Variants in RSRC2 observed in about 807,000 individuals in gnomAD.
RSRC2 encodes the protein arginine/serine-rich coiled-coil protein 2.
Under a neutral mutation model 61.3 loss-of-function variants are expected in RSRC2, and 5 were observed. The observed-to-expected ratio is 0.08, with a 90% CI of 0.04 to 0.17. The LOEUF (loss-of-function observed/expected upper bound fraction) is 0.17, where lower values mean the gene tolerates loss of function less well. RSRC2 is among the 10% of genes least tolerant of loss of function. The pLI, the probability that RSRC2 is intolerant of heterozygous loss-of-function variation, is 1.00. For missense variants in RSRC2, 381 were observed against 518.8 expected, an observed-to-expected ratio of 0.73 and a Z score of 2.58; for synonymous variants, 202 against 166.5, an observed-to-expected ratio of 1.21 and a Z score of -1.64.
At chr12:122,522,006 G>T in intron 2 of RSRC2, 137 bp downstream of exon 2, 1 of 858,506 alleles carries the variant, frequency 1.2e-6, no homozygotes, top group East Asian at 2.7e-5. Flanking sequence ...GCCTGCCTTG[G>T]CCTCCCAAAG....
Position 122,526,830 on chromosome 12 carries a change from C to T in RSRC2, c.6+18G>A, listed in dbSNP as rs1335779957. The T allele has an allele frequency of 2.5e-6, 4 of 1,614,190 alleles. No individual in the cohort carries two copies. Among genetic ancestry groups the T allele is most frequent in the Non-Finnish European group, 3.4e-6 (4 of 1,179,988 alleles). On this transcript the variant is annotated intron_variant, in intron 1 of 9. Coordinates refer to ENST00000331738, the MANE Select transcript of RSRC2 (RefSeq NM_023012.6). ...GCAGAAAAATATCCCTGGCTTTAAA[C>T]TCAGATTCGGTACCTACCGCCATAG...
chr12:122,515,294 C>T (rs1038093654), intron 5 of RSRC2, 67 bp from the exon 6 acceptor site: 2 of 1,488,016 alleles, frequency 1.3e-6, no homozygotes, highest in Non-Finnish European at 1.8e-6. Context: ...AATAAGAAAT[C>T]AATTAGTTCA....
chr12:122,506,704 CA>C, intron 9 of RSRC2, 129 bp downstream of exon 9: 2 of 662,428 alleles, frequency 3.0e-6, no homozygotes, highest in South Asian at 3.8e-5. Context: ...TGTTATTTCA[CA>C]AAAGGTGGTG....
intron 8 of RSRC2, 98 bp from the exon 9 acceptor site, chr12:122,507,021 T>C (rs1371762752): frequency 1.4e-5 from 10 of 697,922 alleles, no homozygotes; most frequent in Non-Finnish European, 2.2e-5. Flanking sequence ...AAAAACACCA[T>C]GGATAGCATT....
At chr12:122,522,542 T>C (rs1489896392) in intron 1 of RSRC2, 2 of 344,268 alleles carry the variant, frequency 5.8e-6, no homozygotes, top group Admixed American at 4.8e-5. Flanking sequence ...CTAACGATGA[T>C]TTGTATAACT....
Position 122,505,545 on chromosome 12 carries a change from T to C in RSRC2, c.1287A>G (p.Arg429=). ...ATCATTTTCAAACTGCATCCATTCC[T>C]CGCATTGAAGATGTGAAACCCAAAC... The part of the protein sequence containing the change: ...GMGLGFTSSM[R]GMDAV Residue 429 remains arginine (R), a synonymous_variant, in exon 10 of 10, where the codon CGA becomes CGG. Coordinates refer to ENST00000331738, the MANE Select transcript of RSRC2 (RefSeq NM_023012.6). 1.2e-6 allele frequency: 2 copies of C among 1,613,758 alleles called. No homozygotes were observed. Among genetic ancestry groups the C allele is most frequent in the Non-Finnish European group, 1.7e-6 (2 of 1,179,828 alleles).
rs1308103179 is a variant in RSRC2, at chr12:122,504,471, T to TA, written c.*1055dup. On this transcript the variant is annotated 3_prime_UTR_variant, in exon 10 of 10. Transcript: ENST00000331738. ...GGTAAAACCCCACCTCTACTAAAAA[T>TA]ACAAAAATTAGCTGGGTGCGGTGGT... is the stretch of plus-strand genomic sequence containing the variant. 1 of 152,046 alleles carries TA rather than the reference T, an allele frequency of 6.6e-6. No individual in the cohort carries two copies. Among genetic ancestry groups the TA allele is most frequent in the African/African-American group, 2.4e-5 (1 of 41,360 alleles). The allele number at this position is 152,046 out of a possible 1,614,324, so 9.4% of individuals were successfully genotyped here. A position where few individuals can be genotyped will look rare whatever the true frequency, so the allele number is the denominator to read the frequency against.
In RSRC2 at chr12:122,514,567, A is replaced by G. The variant is rs1283465209; in HGVS notation, c.725+538T>C. On this transcript the variant is annotated intron_variant, in intron 6 of 9. Transcript: ENST00000331738. ...AGGTGTGACCGATTGCACCCGGCCG[A>G]AACAGCAGAAAATTAAAAAAAAAAA... The G allele has an allele frequency of 3.8e-6, 4 of 1,040,292 alleles. No individual in the cohort carries two copies. The East Asian group carries it at 2.7e-4, about 71-fold the overall frequency. 64.4% of individuals were successfully genotyped at this position (1,040,292 alleles called of 1,614,324 possible). A position where few individuals can be genotyped will look rare whatever the true frequency, so the allele number is the denominator to read the frequency against.
chr12:122,514,581 TAAAA>T (rs79986881), intron 6 of RSRC2: 27 of 914,966 alleles, frequency 3.0e-5, no homozygotes, highest in South Asian at 7.6e-5. Context: ...AGCAGAAAAT[TAAAA>T]AAAAAAAAAA....
chr12:122,514,585 A>C (rs1237692622), intron 6 of RSRC2: 2 of 1,026,396 alleles, frequency 1.9e-6, no homozygotes, highest in African/African-American at 3.5e-5. Flanking sequence ...GAAAATTAAA[A>C]AAAAAAAAAA....
At chr12:122,526,396 C>G (rs981626719) in intron 1 of RSRC2, 1 of 167,468 alleles carries the variant, frequency 6.0e-6, no homozygotes, top group African/African-American at 2.4e-5. Context: ...AAAATAGCTA[C>G]AAGTCGCTCT....
intron 1 of RSRC2, among the ~76,000 whole-genome samples, chr12:122,526,444 G>C (rs1319033352): frequency 2.0e-5 from 3 of 150,900 alleles, no homozygotes; most frequent in Non-Finnish European, 4.4e-5. Flanking sequence ...CTGCCTTTTT[G>C]ACCCAATACT....
intron 4 of RSRC2, among the ~76,000 whole-genome samples, chr12:122,518,114 T>C (rs1365299279): frequency 1.3e-5 from 2 of 151,968 alleles, no homozygotes; most frequent in African/African-American, 4.8e-5. Context: ...CTGCACAACA[T>C]GGCCAAAACC....
At chr12:122,517,812 C>G (rs539740826) in intron 4 of RSRC2, among the ~76,000 whole-genome samples, 71 of 152,164 alleles carry the variant, frequency 4.7e-4, no homozygotes, top group African/African-American at 1.7e-3. Flanking sequence ...CCACCAAAAA[C>G]CATTCACAAA....
At chr12:122,519,686 T>C (rs1229220785) in intron 3 of RSRC2, 1 of 152,486 alleles carries the variant, frequency 6.6e-6, no homozygotes, top group Non-Finnish European at 1.5e-5. Context: ...ATGGCAACTG[T>C]ATGTTTCAAT....
At chr12:122,520,428 TA>T (rs201738968) in intron 3 of RSRC2, 14 of 868,904 alleles carry the variant, frequency 1.6e-5, no homozygotes, top group Non-Finnish European at 2.4e-5. Flanking sequence ...ACTATTAATT[TA>T]AAAAAAACAT....
Position 122,503,718 on chromosome 12 carries a change from G to A in RSRC2, c.*1809C>T, listed in dbSNP as rs1269133559. Reference sequence around the variant, plus strand: ...GGCTTAGATTTGTCACTGAAACACGGTGAAAAGCCATTTTGCCATAGAATT... The same window carrying A: ...GGCTTAGATTTGTCACTGAAACACGATGAAAAGCCATTTTGCCATAGAATT... On this transcript the variant is annotated 3_prime_UTR_variant, in exon 10 of 10. Transcript: ENST00000331738. The A allele has an allele frequency of 3.3e-5, 5 of 152,142 alleles. No individual in the cohort carries two copies. The highest frequency in any genetic ancestry group is 1.2e-4 in the African/African-American group (5 of 41,438). 9.4% of individuals were successfully genotyped at this position (152,142 alleles called of 1,614,324 possible). A position where few individuals can be genotyped will look rare whatever the true frequency, so the allele number is the denominator to read the frequency against.
intron 6 of RSRC2, among the ~76,000 whole-genome samples, chr12:122,511,581 G>A (rs369373820): frequency 9.9e-5 from 15 of 152,134 alleles, no homozygotes; most frequent in East Asian, 5.8e-4. Context: ...AAAGCCAGCC[G>A]ATCAAGACAT....
intron 8 of RSRC2, among the ~76,000 whole-genome samples, chr12:122,507,584 T>C (rs1958195706): frequency 6.6e-6 from 1 of 152,268 alleles, no homozygotes; most frequent in South Asian, 2.1e-4. Flanking sequence ...TATGGTAATA[T>C]TAGTTTTCTT....
Sources: allele counts gnomAD v4.1 joint callset (sites outside exome capture counted in the v4.1 genomes callset), GRCh38; gene constraint gnomAD v4.1.1; transcripts MANE v1.5; gene names NCBI Gene and HGNC (gene_info 2026-07-23, HGNC 2026-07-21).